KCNIP1: variants seen among roughly 807,000 people sequenced by gnomAD.
KCNIP1 encodes potassium voltage-gated channel interacting protein 1.
Under a neutral mutation model 33.0 loss-of-function variants are expected in KCNIP1, and 18 were observed. The ratio of observed to expected loss-of-function variants is 0.55; its 90% CI spans 0.38 to 0.81. KCNIP1 has a LOEUF of 0.81. Among genes scored for constraint, KCNIP1 ranks in the 30% least tolerant of loss-of-function variants. KCNIP1 has a pLI of 0.00. For synonymous variants in KCNIP1, 93 were observed against 98.3 expected (o/e 0.95, Z 0.32); for missense variants, 238 against 271.6 (o/e 0.88, Z 0.87).
intron 1 of KCNIP1, among the ~76,000 whole-genome samples, chr5:170,669,174 T>C (rs955265942): frequency 1.3e-5 from 2 of 152,190 alleles, no homozygotes; most frequent in African/African-American, 4.8e-5. Context: ...GAATGAACGA[T>C]GAATGAATGA....
At chr5:170,726,923 AAAG>A (rs1250117596) in intron 5 of KCNIP1, among the ~76,000 whole-genome samples, 4 of 146,078 alleles carry the variant, frequency 2.7e-5, no homozygotes, top group Admixed American at 7.0e-5. Context: ...AAAAAGAAAA[AAAG>A]AAGAAGAAAA....
At chr5:170,381,868 G>A (rs1764254694) in intron 1 of KCNIP1, among the ~76,000 whole-genome samples, 1 of 152,224 alleles carries the variant, frequency 6.6e-6, no homozygotes, top group Admixed American at 6.5e-5. Flanking sequence ...AGAGGCAGGG[G>A]TCATGGGTAG....
chr5:170,488,099 T>C (rs570918182), intron 1 of KCNIP1, among the ~76,000 whole-genome samples: 1 of 152,370 alleles, frequency 6.6e-6, no homozygotes, highest in African/African-American at 2.4e-5. Context: ...CCTCCTGGAA[T>C]AGCCTTTAGC....
chr5:170,697,027 C>T (rs1762920995), intron 1 of KCNIP1, among the ~76,000 whole-genome samples: 1 of 151,960 alleles, frequency 6.6e-6, no homozygotes, highest in Non-Finnish European at 1.5e-5. Flanking sequence ...GTCTCTCTTT[C>T]TCTCTCCTCC....
At chr5:170,699,556 G>C (rs905814) in intron 1 of KCNIP1, among the ~76,000 whole-genome samples, 61,737 of 111,788 alleles carry the variant, frequency 0.55, 15,369 homozygotes, top group East Asian at 0.91. Context: ...ATTGCTCTGT[G>C]AAAAAAAAAA....
At position 170,365,527 on chromosome 5, in the gene KCNIP1, C is replaced by T. The variant is rs537196666; in HGVS notation, c.88+11563C>T. The stretch of plus-strand genomic sequence containing the variant: ...TTGCCATGGAGAGAGGGGAACCTGC[C>T]GCTGGGAAAGGATGGCGATGGTTTC... On this transcript the variant is annotated intron_variant, in intron 1 of 7. Transcript: ENST00000377360. 1.3e-3 allele frequency among the ~76,000 whole-genome samples: 201 copies of T among 152,286 alleles called. 1 individual carries two copies. Among genetic ancestry groups the T allele is most frequent in the African/African-American group, 4.5e-3 (189 of 41,548 alleles).
intron 1 of KCNIP1, among the ~76,000 whole-genome samples, chr5:170,552,713 A>G (rs1209985451): frequency 6.6e-6 from 1 of 152,200 alleles, no homozygotes; most frequent in Non-Finnish European, 1.5e-5. Flanking sequence ...CAGCGAAGGA[A>G]GTGGATTCTA....
chr5:170,474,021 C>A (rs1756795233), intron 1 of KCNIP1, among the ~76,000 whole-genome samples: 1 of 152,192 alleles, frequency 6.6e-6, no homozygotes, highest in South Asian at 2.1e-4. Flanking sequence ...CAGGAATCTG[C>A]CACAGCAAAA....
intron 1 of KCNIP1, among the ~76,000 whole-genome samples, chr5:170,434,015 C>T (rs1239221503): frequency 6.6e-6 from 1 of 152,132 alleles, no homozygotes; most frequent in East Asian, 1.9e-4. Context: ...TTGTTCTGAC[C>T]TCAAAAAGAG....
At chr5:170,708,189 G>A (rs1490612850) in intron 1 of KCNIP1, among the ~76,000 whole-genome samples, 3 of 152,136 alleles carry the variant, frequency 2.0e-5, no homozygotes, top group Non-Finnish European at 4.4e-5. Context: ...AAGCACCAAC[G>A]TGGATTTTTG....
At chr5:170,444,618 C>A (rs554473023) in intron 1 of KCNIP1, among the ~76,000 whole-genome samples, 48 of 152,066 alleles carry the variant, frequency 3.2e-4, no homozygotes, top group Admixed American at 1.1e-3. Context: ...TTGTCCCAAC[C>A]CCTACAAAAG....
At chr5:170,388,600 T>A (rs1160658180) in intron 1 of KCNIP1, among the ~76,000 whole-genome samples, 1 of 152,210 alleles carries the variant, frequency 6.6e-6, no homozygotes, top group Non-Finnish European at 1.5e-5. Context: ...TGGAGTGTCC[T>A]GGGTGACCTG....
intron 1 of KCNIP1, among the ~76,000 whole-genome samples, chr5:170,516,792 C>G (rs1448895627): frequency 6.6e-6 from 1 of 152,178 alleles, no homozygotes; most frequent in South Asian, 2.1e-4. Context: ...GCTTCTTCAT[C>G]TGTTAAACAA....
intron 1 of KCNIP1, among the ~76,000 whole-genome samples, chr5:170,408,390 G>GTCTGTAATCTGCTC (rs569728472): frequency 4.9e-4 from 74 of 152,288 alleles, no homozygotes; most frequent in Admixed American, 1.3e-3. Context: ...CCAGATCCTG[G>GTCTGTAATCTGCTC]TCTGTAATCT....
At chr5:170,485,034 A>G (rs1444993881) in intron 1 of KCNIP1, among the ~76,000 whole-genome samples, 1 of 143,866 alleles carries the variant, frequency 7.0e-6, no homozygotes, top group Non-Finnish European at 1.5e-5. Flanking sequence ...TCTGCCTCCT[A>G]GTTTCAAGCA....
chr5:170,701,680 C>A (rs1763104841), intron 1 of KCNIP1, among the ~76,000 whole-genome samples: 1 of 152,206 alleles, frequency 6.6e-6, no homozygotes, highest in Non-Finnish European at 1.5e-5. Context: ...AGCTGAGCCC[C>A]AGGGCTCCCC....
chr5:170,417,948 C>T (rs570575226), intron 1 of KCNIP1, among the ~76,000 whole-genome samples: 97 of 152,308 alleles, frequency 6.4e-4, no homozygotes, highest in African/African-American at 2.2e-3. Context: ...GCTTATAAGC[C>T]TCCTGATGCC....
chr5:170,526,517 A>G (rs568699494), intron 1 of KCNIP1, among the ~76,000 whole-genome samples: 29 of 152,280 alleles, frequency 1.9e-4, no homozygotes, highest in African/African-American at 7.0e-4. Flanking sequence ...GATTACATCC[A>G]TCTTTAATTG....
chr5:170,664,577 C>T (rs964583313), intron 1 of KCNIP1, among the ~76,000 whole-genome samples: 3 of 152,128 alleles, frequency 2.0e-5, no homozygotes, highest in South Asian at 2.1e-4. Flanking sequence ...TTTCAAAGTG[C>T]TAGGATTACA....
Sources: allele counts gnomAD v4.1 joint callset (sites outside exome capture counted in the v4.1 genomes callset), GRCh38; gene constraint gnomAD v4.1.1; transcripts MANE v1.5; gene names NCBI Gene and HGNC (gene_info 2026-07-23, HGNC 2026-07-21).